ZNF410: variants seen among roughly 807,000 people sequenced by gnomAD.
ZNF410 encodes the protein zinc finger protein 410, also known as another partner for ARF 1.
ZNF410 carries 18 observed loss-of-function variants against 54.8 expected under a neutral mutation model. The ratio of observed to expected loss-of-function variants is 0.33; its 90% CI spans 0.23 to 0.49. The LOEUF is 0.49. Ranked by LOEUF, ZNF410 falls within the 20% of genes least tolerant of loss-of-function variation. ZNF410 has a pLI of 0.99. For missense variants in ZNF410, 405 were observed against 569.6 expected, an observed-to-expected ratio of 0.71 and a Z score of 2.94; for synonymous variants, 191 against 207.3, an observed-to-expected ratio of 0.92 and a Z score of 0.68.
chr14:73,905,866 TATAA>T (rs201941861), intron 7 of ZNF410, among the ~76,000 whole-genome samples: 2 of 151,058 alleles, frequency 1.3e-5, no homozygotes, highest in South Asian at 2.1e-4. Flanking sequence ...ATAAGGCATA[TATAA>T]AATATAAAAA....
In ZNF410 at chr14:73,892,959, G is replaced by A. The variant is rs550492294; in HGVS notation, c.33+751G>A. Among the ~76,000 whole-genome samples, 52 of 152,242 alleles carry A rather than the reference G, an allele frequency of 3.4e-4. 1 individual carries two copies. The highest frequency in any genetic ancestry group is 1.2e-3 in the African/African-American group (50 of 41,534). ...TAGCTGGGCGTGGTGGCGGGCACCT[G>A]TAGTCCCAGCTACTTGGGAGGCTGA... On this transcript the variant is annotated intron_variant, in intron 2 of 11. Transcript: ENST00000555044.
At chr14:73,895,428 G>A (rs1390160096) in intron 3 of ZNF410, 2 of 151,980 alleles carry the variant, frequency 1.3e-5, no homozygotes. Flanking sequence ...TATATCCAAA[G>A]GAATTGAAAT....
intron 10 of ZNF410, 117 bp downstream of exon 10, chr14:73,922,323 A>G: frequency 8.8e-7 from 1 of 1,138,900 alleles, no homozygotes. Flanking sequence ...CTGTGGTATG[A>G]GTAGCATTTG....
chr14:73,921,945 G>A, intron 9 of ZNF410, 121 bp from the exon 10 acceptor site: 1 of 1,111,846 alleles, frequency 9.0e-7, no homozygotes, highest in Non-Finnish European at 1.3e-6. Context: ...ATAGGGGGTG[G>A]CATCCCATCT....
At chr14:73,891,801 T>C (rs1000686230) in intron 1 of ZNF410, 27 of 548,926 alleles carry the variant, frequency 4.9e-5, no homozygotes, top group Admixed American at 1.5e-4. Flanking sequence ...ATATTTAAGA[T>C]AGTTTTTTAG....
intron 7 of ZNF410, among the ~76,000 whole-genome samples, chr14:73,906,724 C>T (rs1033467032): frequency 1.2e-4 from 18 of 152,260 alleles, no homozygotes; most frequent in Non-Finnish European, 2.5e-4. Context: ...AGTGATCCGC[C>T]GACCTTGCCC....
intron 1 of ZNF410, among the ~76,000 whole-genome samples, chr14:73,889,829 C>T (rs1479570881): frequency 1.3e-5 from 2 of 149,110 alleles, no homozygotes; most frequent in Non-Finnish European, 3.0e-5. Flanking sequence ...CAGAGTCTTG[C>T]TCTGTCGCCC....
At chr14:73,912,317 G>A (rs1413900589) in intron 8 of ZNF410, among the ~76,000 whole-genome samples, 10 of 151,956 alleles carry the variant, frequency 6.6e-5, no homozygotes, top group African/African-American at 9.7e-5. Flanking sequence ...TTACAGGCGC[G>A]TGCCACCACG....
At chr14:73,924,757 A>G in intron 11 of ZNF410, 1 of 418,458 alleles carries the variant, frequency 2.4e-6, no homozygotes, top group Non-Finnish European at 4.7e-6. Flanking sequence ...GCTCACTGCA[A>G]CCTCTGCCTC....
intron 4 of ZNF410, 123 bp downstream of exon 4, chr14:73,896,657 G>A: frequency 1.3e-6 from 1 of 752,992 alleles, no homozygotes; most frequent in Non-Finnish European, 2.1e-6. Context: ...TTGGAGAATT[G>A]GTGTGTCTGG....
intron 10 of ZNF410, 100 bp downstream of exon 10, chr14:73,922,306 T>TGAA: frequency 7.9e-7 from 1 of 1,264,460 alleles, no homozygotes; most frequent in Non-Finnish European, 1.1e-6. Flanking sequence ...TCATTTCTTA[T>TGAA]GAGTAGCTGT....
intron 8 of ZNF410, among the ~76,000 whole-genome samples, chr14:73,917,753 G>T (rs2055689799): frequency 6.6e-6 from 1 of 152,120 alleles, no homozygotes; most frequent in East Asian, 1.9e-4. Flanking sequence ...AACCTGGGAG[G>T]GGGAGGTTGC....
intron 11 of ZNF410, among the ~76,000 whole-genome samples, chr14:73,926,429 G>GTTTTGT (rs756658793): frequency 9.8e-4 from 148 of 150,560 alleles, no homozygotes; most frequent in Non-Finnish European, 1.9e-3. Context: ...TTTTTGTTTT[G>GTTTTGT]TTTTGTTTTT....
intron 1 of ZNF410, among the ~76,000 whole-genome samples, chr14:73,890,090 C>T (rs992238672): frequency 2.6e-5 from 4 of 151,802 alleles, no homozygotes; most frequent in East Asian, 1.9e-4. Context: ...CCACTGCTCC[C>T]GGCCTAAATG....
chr14:73,921,926 GT>G (rs1280179264), intron 9 of ZNF410, 139 bp from the exon 10 acceptor site: 4 of 874,336 alleles, frequency 4.6e-6, no homozygotes, highest in Non-Finnish European at 5.3e-6. Flanking sequence ...TTTCTCGAAA[GT>G]AGGTGAAATA....
chr14:73,930,685 C>T (rs2055898617), intron 11 of ZNF410, among the ~76,000 whole-genome samples: 1 of 152,104 alleles, frequency 6.6e-6, no homozygotes, highest in Admixed American at 6.6e-5. Flanking sequence ...TCACTGCACC[C>T]TTGAACTCCT....
intron 1 of ZNF410, among the ~76,000 whole-genome samples, chr14:73,890,615 T>C (rs1389136383): frequency 6.6e-6 from 1 of 152,254 alleles, no homozygotes; most frequent in Admixed American, 6.5e-5. Flanking sequence ...TGTATGATTA[T>C]TTGTAATAGT....
chr14:73,921,376 A>C, intron 9 of ZNF410: 2 of 302,454 alleles, frequency 6.6e-6, no homozygotes. Flanking sequence ...TAGAATCTGT[A>C]GTTTTAAAAG....
At chr14:73,905,968 C>CATATATATATATATATATATATAT (rs375039083) in intron 7 of ZNF410, among the ~76,000 whole-genome samples, 9 of 78,940 alleles carry the variant, frequency 1.1e-4, no homozygotes, top group African/African-American at 3.4e-4. Context: ...CACACACACA[C>CATATATATATATATATATATATAT]ATATATATAT....
Sources: allele counts gnomAD v4.1 joint callset (sites outside exome capture counted in the v4.1 genomes callset), GRCh38; gene constraint gnomAD v4.1.1; transcripts MANE v1.5; gene names NCBI Gene and HGNC (gene_info 2026-07-23, HGNC 2026-07-21).